Variants in C5 observed in about 807,000 individuals in gnomAD.
The protein encoded by C5 is complement C5, also known as C3 and PZP-like alpha-2-macroglobulin domain-containing protein 4.
In C5, 140 loss-of-function variants were observed where a neutral mutation model predicts 218.8. The ratio of observed to expected loss-of-function variants is 0.64; its 90% CI spans 0.56 to 0.74. The LOEUF is 0.74. Ranked by LOEUF, C5 falls within the 30% of genes least tolerant of loss-of-function variation. The pLI is 0.00. For missense variants in C5, 1,700 were observed against 1,969.6 expected, an observed-to-expected ratio of 0.86 and a Z score of 2.59; for synonymous variants, 614 against 682.3, an observed-to-expected ratio of 0.90 and a Z score of 1.56.
intron 12 of C5, among the ~76,000 whole-genome samples, chr9:121,019,533 G>A (rs1225347219): frequency 6.6e-6 from 1 of 152,192 alleles, no homozygotes; most frequent in African/African-American, 2.4e-5. Context: ...CTCAGGAGAG[G>A]ATTTTGCTTC....
the C5 span, among the ~76,000 whole-genome samples, chr9:121,062,208 T>C: frequency 2.0e-5 from 3 of 152,214 alleles, no homozygotes; most frequent in Admixed American, 2.0e-4. Context: ...TACTTTGTAC[T>C]CACTTTGATT....
chr9:120,973,989 T>C (rs2046933649), intron 30 of C5, among the ~76,000 whole-genome samples: 1 of 151,970 alleles, frequency 6.6e-6, no homozygotes, highest in Admixed American at 6.5e-5. Context: ...AAAAAAATTA[T>C]TTCTCATGCT....
rs200868897 is a variant in C5 at position 120,989,748 on chromosome 9, G to C, written c.2974C>G (p.Leu992Val). 1 of 1,613,978 alleles carries C rather than the reference G, an allele frequency of 6.2e-7. No homozygotes were observed. Among genetic ancestry groups the C allele is most frequent in the African/African-American group, 1.3e-5 (1 of 75,002 alleles). ...LLVGEILSAV[L>V]SQEGINILTH... ...AGGATATTGATGCCTTCCTGACTTA[G>C]AACTGCAGACAAGATCTCACCTACA... The change falls in exon 24 of 41, where the codon CTA becomes GTA. Residue 992 changes from leucine (L) to valine (V), a missense_variant. Leu to Val is a conservative substitution (Grantham distance 32, BLOSUM62 1). Coordinates refer to ENST00000223642, the MANE Select transcript of C5 (RefSeq NM_001735.3).
chr9:121,052,638 C>A (rs539244918), upstream of C5, among the ~76,000 whole-genome samples: 3 of 152,158 alleles, frequency 2.0e-5, no homozygotes, highest in East Asian at 5.8e-4. Flanking sequence ...CATGATTGAG[C>A]CCAAATGACC....
At chr9:121,074,698 C>A in the C5 span, 3 of 420,352 alleles carry the variant, frequency 7.1e-6, no homozygotes, top group South Asian at 5.2e-5. Flanking sequence ...CACAGCACTG[C>A]GGGCAGCTGC....
Position 121,021,700 on chromosome 9 carries a change from T to C in C5, c.1117-6A>G. 1 of 1,611,496 alleles carries C rather than the reference T, an allele frequency of 6.2e-7. No individual in the cohort carries two copies. Among genetic ancestry groups the C allele is most frequent in the Non-Finnish European group, 8.5e-7 (1 of 1,177,588 alleles). ...AGCGAATCTTTAACCTGCACCTGTT[T>C]GTCAAAACAATCCAAATCTATTTCA... On this transcript the variant is annotated splice_polypyrimidine_tract_variant and splice_region_variant and intron_variant, in intron 10 of 40. Coordinates refer to ENST00000223642, the MANE Select transcript of C5 (RefSeq NM_001735.3).
chr9:120,954,819 C>T (rs1365424238), intron 39 of C5, among the ~76,000 whole-genome samples: 1 of 152,182 alleles, frequency 6.6e-6, no homozygotes, highest in South Asian at 2.1e-4. Context: ...TTTCAGTGTA[C>T]ACCCATTAGT....
rs1286570923 is a variant in C5, at chr9:120,981,932, A to G, written c.3398T>C (p.Leu1133Ser). 3 of 1,612,004 alleles carry G rather than the reference A, an allele frequency of 1.9e-6. No homozygotes were observed. Among genetic ancestry groups the G allele is most frequent in the Non-Finnish European group, 2.5e-6 (3 of 1,178,094 alleles). Residue 1133 changes from leucine (L) to serine (S), a missense_variant, in exon 27 of 41, where the codon TTG becomes TCG. Physicochemically the swap from Leu to Ser is moderately radical, Grantham distance 145. Transcript: ENST00000223642. ...QYQPIKLQGT[L>S]PVEARENSLY... ...GCTGTTCTCTCGGGCTTCAACAGGCAAGGTACCCTAAAAAGAAGCAATGTT... is the reference window on the plus strand; with the variant it reads ...GCTGTTCTCTCGGGCTTCAACAGGCGAGGTACCCTAAAAAGAAGCAATGTT...
At chr9:120,970,513 G>A (rs1485132508) in intron 31 of C5, among the ~76,000 whole-genome samples, 1 of 152,170 alleles carries the variant, frequency 6.6e-6, no homozygotes, top group Non-Finnish European at 1.5e-5. Flanking sequence ...AGTCAAATCT[G>A]GGCACCTCAC....
chr9:121,029,187 T>C (rs1170667154), intron 7 of C5, among the ~76,000 whole-genome samples: 1 of 152,254 alleles, frequency 6.6e-6, no homozygotes. Context: ...TTTCCTTATT[T>C]ATGGTTTGAA....
intron 40 of C5, among the ~76,000 whole-genome samples, 172 bp downstream of exon 40, chr9:120,953,558 C>T (rs1270305742): frequency 1.3e-5 from 2 of 152,154 alleles, no homozygotes; most frequent in African/African-American, 4.8e-5. Context: ...GCAGCTAAGT[C>T]CTCAGCTGCC....
At chr9:120,965,395 C>T (rs2046859564) in intron 33 of C5, among the ~76,000 whole-genome samples, 1 of 152,074 alleles carries the variant, frequency 6.6e-6, no homozygotes. Context: ...TAGCTCACAC[C>T]TGTAATCCCA....
chr9:121,017,532 G>A (rs1412501952), intron 13 of C5, 21 bp from the exon 14 acceptor site: 1 of 1,612,618 alleles, frequency 6.2e-7, no homozygotes, highest in Admixed American at 1.7e-5. Context: ...ATTTGAAAAA[G>A]AAAAGAAAAG....
upstream of C5, among the ~76,000 whole-genome samples, chr9:121,054,440 A>C (rs1162404503): frequency 6.6e-6 from 1 of 152,068 alleles, no homozygotes; most frequent in Non-Finnish European, 1.5e-5. Flanking sequence ...TCTCTACTAA[A>C]AATACAAAAA....
At chr9:120,961,890 G>C (rs1451900668) in intron 36 of C5, among the ~76,000 whole-genome samples, 1 of 152,156 alleles carries the variant, frequency 6.6e-6, no homozygotes, top group Non-Finnish European at 1.5e-5. Context: ...GTTTAGGGTG[G>C]ACAAGGGAAG....
intron 8 of C5, among the ~76,000 whole-genome samples, chr9:121,026,054 G>A (rs957960796): frequency 3.3e-5 from 5 of 152,040 alleles, no homozygotes; most frequent in African/African-American, 9.7e-5. Context: ...AATAAACTTT[G>A]CCTTATTTTT....
chr9:120,980,299 C>T, intron 27 of C5, 45 bp from the exon 28 acceptor site: 3 of 1,550,040 alleles, frequency 1.9e-6, no homozygotes, highest in Non-Finnish European at 2.7e-6. Flanking sequence ...CAAGCAACCA[C>T]CTATCAATTG....
At chr9:120,993,880 CA>C (rs1321651262) in intron 22 of C5, among the ~76,000 whole-genome samples, 43 of 152,118 alleles carry the variant, frequency 2.8e-4, no homozygotes, top group African/African-American at 1.0e-3. Flanking sequence ...TGAGTGGGTA[CA>C]CTTGGAGGAA....
rs537040889 is a variant in C5 at position 121,017,242 on chromosome 9, A to T, written c.1866+120T>A. ...CAGGAGGATGGTTTACCTTCCTAAA[A>T]ATGAGTATGTTGAGTAGATTACAGA... is the stretch of plus-strand genomic sequence containing the variant. On this transcript the variant is annotated intron_variant, in intron 14 of 40. Transcript: ENST00000223642. 1.7e-3 allele frequency: 2,001 copies of T among 1,187,096 alleles called. 24 individuals carry two copies. Among genetic ancestry groups the T allele is most frequent in the South Asian group, 6.6e-3 (519 of 78,746 alleles). The allele number at this position is 1,187,096 out of a possible 1,614,324, so 73.5% of individuals were successfully genotyped here. A position where few individuals can be genotyped will look rare whatever the true frequency, so the allele number is the denominator to read the frequency against.
Sources: allele counts gnomAD v4.1 joint callset (sites outside exome capture counted in the v4.1 genomes callset), GRCh38; gene constraint gnomAD v4.1.1; transcripts MANE v1.5; gene names NCBI Gene and HGNC (gene_info 2026-07-23, HGNC 2026-07-21).